OSR2: variants seen among roughly 807,000 people sequenced by gnomAD.
OSR2 encodes the protein protein odd-skipped-related 2.
In OSR2, 8 loss-of-function variants were observed where a neutral mutation model predicts 22.3. The observed-to-expected ratio is 0.36, with a 90% confidence interval of 0.21 to 0.65. The LOEUF (loss-of-function observed/expected upper bound fraction) is 0.65, where lower values mean the gene tolerates loss of function less well. Ranked by LOEUF, OSR2 falls within the 30% of genes least tolerant of loss-of-function variation. The pLI, the probability that OSR2 is intolerant of heterozygous loss-of-function variation, is 0.66. For missense variants in OSR2, 311 were observed against 413.4 expected (o/e 0.75, Z 2.15); for synonymous variants, 179 against 173.8 (o/e 1.03, Z -0.23).
chr8:98,948,095 G>A lies in OSR2; in HGVS notation c.-114-744G>A. Reference sequence around the variant, plus strand: ...GGGTTGGGAGGAGAGCCCGTGGATAGGAGGAGGGGGCGATTCTAGGCCGAA... The same window carrying A: ...GGGTTGGGAGGAGAGCCCGTGGATAAGAGGAGGGGGCGATTCTAGGCCGAA... On this transcript the variant is annotated intron_variant, in intron 1 of 3. Transcript: ENST00000297565. This position sits in a 1 kb window ranked among gnomAD's most constrained non-coding sequence, Gnocchi z 6.0. 1 of 1,346,512 alleles carries A rather than the reference G, an allele frequency of 7.4e-7. No homozygotes were observed. The highest frequency in any genetic ancestry group is 9.5e-7 in the Non-Finnish European group (1 of 1,051,356). The allele number at this position is 1,346,512 out of a possible 1,614,324, so 83.4% of individuals were successfully genotyped here.
In OSR2 at chr8:98,948,009, C is replaced by T. The variant is rs1840660618; in HGVS notation, c.-114-830C>T. On this transcript the variant is annotated intron_variant, in intron 1 of 3. Transcript: ENST00000297565. The surrounding 1 kb of genome is among the most constrained non-coding windows in gnomAD (Gnocchi z 6.0). ...AAAGGGGTTCCTCTGGCCTCAGGGA[C>T]GTTCTCCGCCCCCACCCCACCCCCT... Among the ~76,000 whole-genome samples, 1 of 152,162 alleles carries T rather than the reference C, an allele frequency of 6.6e-6. No homozygotes were observed. The highest frequency in any genetic ancestry group is 1.5e-5 in the Non-Finnish European group (1 of 68,022).
Position 98,949,322 on chromosome 8 carries a change from G to C in OSR2, c.370G>C (p.Ala124Pro). 6.2e-7 allele frequency: 1 copy of C among 1,613,412 alleles called. No homozygotes were observed. Among genetic ancestry groups the C allele is most frequent in the Non-Finnish European group, 8.5e-7 (1 of 1,179,538 alleles). The change falls in exon 2 of 4, where the codon GCT becomes CCT. Residue 124 changes from alanine to proline, a missense_variant. Ala to Pro is a conservative substitution (Grantham distance 27). Around this residue, in one of 5 missense-constraint regions of OSR2, gnomAD observed 3 missense variants for 18.5 expected, o/e 0.16. Coordinates refer to ENST00000297565, the MANE Select transcript of OSR2 (RefSeq NM_001142462.3). The surrounding 1 kb of genome is among the most constrained non-coding windows in gnomAD (Gnocchi z 5.9). ...TTTTGACTTTGCCAATTTGGCGGTG[G>C]CTGCCACGCAAGAGGATCCGCCTAA... ...PRFDFANLAV[A>P]ATQEDPPKMG...
chr8:98,948,760 C>T lies in OSR2; in HGVS notation c.-114-79C>T. The T allele has an allele frequency of 1.4e-6, 2 of 1,432,818 alleles. No homozygotes were observed. The highest frequency in any genetic ancestry group is 1.4e-5 in the South Asian group (1 of 71,042). 88.8% of individuals were successfully genotyped at this position (1,432,818 alleles called of 1,614,324 possible). A position where few individuals can be genotyped will look rare whatever the true frequency, so the allele number is the denominator to read the frequency against. ...GGGAGGGAGACTTAGGTGTGGTAAC[C>T]TGCGCAGGTGCCAAAGGGCAGAAGG... On this transcript the variant is annotated intron_variant, in intron 1 of 3. Coordinates refer to ENST00000297565, the MANE Select transcript of OSR2 (RefSeq NM_001142462.3). This position sits in a 1 kb window ranked among gnomAD's most constrained non-coding sequence, Gnocchi z 6.0.
rs1177256657 is a variant in OSR2 at position 98,948,919 on chromosome 8, G to A, written c.-34G>A. 1.9e-6 allele frequency: 3 copies of A among 1,613,676 alleles called. No homozygotes were observed. The South Asian group carries it at 3.3e-5, about 18-fold the overall frequency. On this transcript the variant is annotated 5_prime_UTR_variant, in exon 2 of 4. Transcript: ENST00000297565. The surrounding 1 kb of genome is among the most constrained non-coding windows in gnomAD (Gnocchi z 6.0). The stretch of plus-strand genomic sequence containing the variant: ...CGGCCTCTGATTCCTGGAAGAAAGG[G>A]TTGGTCCCCTCAGCACCCCCAGCAT...
In OSR2 at chr8:98,948,745, C is replaced by T. The variant is rs1022529920; in HGVS notation, c.-114-94C>T. The T allele has an allele frequency of 4.3e-6, 6 of 1,385,660 alleles. No individual in the cohort carries two copies. The highest frequency in any genetic ancestry group is 2.5e-5 in the East Asian group (1 of 39,810). 85.8% of individuals were successfully genotyped at this position (1,385,660 alleles called of 1,614,324 possible). A position where few individuals can be genotyped will look rare whatever the true frequency, so the allele number is the denominator to read the frequency against. On this transcript the variant is annotated intron_variant, in intron 1 of 3. Coordinates refer to ENST00000297565, the MANE Select transcript of OSR2 (RefSeq NM_001142462.3). This position sits in a 1 kb window ranked among gnomAD's most constrained non-coding sequence, Gnocchi z 6.0. ...TCTTGGAGTCGGGTGGGGAGGGAGA[C>T]TTAGGTGTGGTAACCTGCGCAGGTG...
rs778179403 is a variant in OSR2, at chr8:98,949,158, T to A, written c.206T>A (p.Ile69Asn). 6.2e-7 allele frequency: 1 copy of A among 1,611,782 alleles called. No individual in the cohort carries two copies. Among genetic ancestry groups the A allele is most frequent in the Admixed American group, 1.7e-5 (1 of 59,838 alleles). The change falls in exon 2 of 4, where the codon ATC (isoleucine) becomes AAC (asparagine). Residue 69 changes from isoleucine (I) to asparagine (N), a missense_variant. Coordinates refer to ENST00000297565, the MANE Select transcript of OSR2 (RefSeq NM_001142462.3). The surrounding 1 kb of genome is among the most constrained non-coding windows in gnomAD (Gnocchi z 5.9). The stretch of plus-strand genomic sequence containing the variant: ...GTGCACGAGATCACCCGCTCCACCA[T>A]CACGGAGATGGCGGCGGCGCAGGGC... The part of the protein sequence containing the change: ...PNVHEITRST[I>N]TEMAAAQGLV...
chr8:98,950,776 A>T (rs751229756), intron 3 of OSR2, 21 bp downstream of exon 3: 35 of 1,506,556 alleles, frequency 2.3e-5, no homozygotes, highest in Middle Eastern at 1.7e-4. Flanking sequence ...TTTCTTGTTT[A>T]AAAACAGTGG....
Position 98,949,396 on chromosome 8 carries a change from G to A in OSR2, c.444G>A (p.Ser148=), listed in dbSNP as rs758401316. The change falls in exon 2 of 4, where the codon TCG becomes TCA. Residue 148 remains serine (S), a synonymous_variant. Coordinates refer to ENST00000297565, the MANE Select transcript of OSR2 (RefSeq NM_001142462.3). This position sits in a 1 kb window ranked among gnomAD's most constrained non-coding sequence, Gnocchi z 5.9. ...GCCCAGGACTGGGTAGCCCCATCTC[G>A]GGCCTCAGTAAATTGACTCCGGACA... is the stretch of plus-strand genomic sequence containing the variant. ...KLSPGLGSPI[S]GLSKLTPDRK... 1.2e-6 allele frequency: 2 copies of A among 1,613,624 alleles called. No individual in the cohort carries two copies. The highest frequency in any genetic ancestry group is 1.3e-5 in the African/African-American group (1 of 74,938).
rs762345004 is a variant in OSR2, at chr8:98,948,664, C to T, written c.-114-175C>T. The T allele has an allele frequency of 2.0e-6, 2 of 987,000 alleles. No individual in the cohort carries two copies. The highest frequency in any genetic ancestry group is 1.4e-6 in the Non-Finnish European group (1 of 692,040). The allele number at this position is 987,000 out of a possible 1,614,324, so 61.1% of individuals were successfully genotyped here. A position where few individuals can be genotyped will look rare whatever the true frequency, so the allele number is the denominator to read the frequency against. The stretch of plus-strand genomic sequence containing the variant: ...TGTTCTGGCCCCGGGCTGATCTGCA[C>T]GCGGACTTGAGCAGGTGCCAAGGTG... On this transcript the variant is annotated intron_variant, in intron 1 of 3. Coordinates refer to ENST00000297565, the MANE Select transcript of OSR2 (RefSeq NM_001142462.3). The surrounding 1 kb of genome is among the most constrained non-coding windows in gnomAD (Gnocchi z 6.0).
At position 98,949,435 on chromosome 8, in the gene OSR2, A is replaced by T. The variant is rs370955340; in HGVS notation, c.483A>T (p.Arg161=). The T allele has an allele frequency of 1.8e-4, 288 of 1,613,942 alleles. No individual in the cohort carries two copies. The highest frequency in any genetic ancestry group is 4.7e-4 in the Admixed American group (28 of 60,014). The change falls in exon 2 of 4, where the codon CGA becomes CGT. Residue 161 remains arginine, a synonymous_variant. Transcript: ENST00000297565. The surrounding 1 kb of genome is among the most constrained non-coding windows in gnomAD (Gnocchi z 5.9). ...TGACTCCGGACAGAAAGCCCTCTCG[A>T]GGAAGGTTGCCCTCCAAAACGAAAA... The part of the protein sequence containing the change: ...SKLTPDRKPS[R]GRLPSKTKKE...
rs368868923 is a variant in OSR2 at position 98,949,393 on chromosome 8, C to A, written c.441C>A (p.Ile147=). 7.4e-6 allele frequency: 12 copies of A among 1,613,534 alleles called. No homozygotes were observed. The African/African-American group carries it at 1.6e-4, about 22-fold the overall frequency. ...SKLSPGLGSP[I]SGLSKLTPDR... ...TGAGCCCAGGACTGGGTAGCCCCATCTCGGGCCTCAGTAAATTGACTCCGG... is the reference window on the plus strand; with the variant it reads ...TGAGCCCAGGACTGGGTAGCCCCATATCGGGCCTCAGTAAATTGACTCCGG... The change falls in exon 2 of 4, where the codon ATC becomes ATA. Residue 147 remains isoleucine (I), a synonymous_variant. Coordinates refer to ENST00000297565, the MANE Select transcript of OSR2 (RefSeq NM_001142462.3). This position sits in a 1 kb window ranked among gnomAD's most constrained non-coding sequence, Gnocchi z 5.9.
At position 98,950,691 on chromosome 8, in the gene OSR2, A is replaced by G. The variant is rs772441797; in HGVS notation, c.692A>G (p.Gln231Arg). 1.2e-6 allele frequency: 2 copies of G among 1,613,100 alleles called. No individual in the cohort carries two copies. Among genetic ancestry groups the G allele is most frequent in the African/African-American group, 1.3e-5 (1 of 75,028 alleles). Residue 231 changes from glutamine to arginine, a missense_variant, in exon 3 of 4, where the codon CAG becomes CGG. This residue lies in a region of OSR2 where 39 missense variants were observed against 90.5 expected (regional missense o/e 0.43). Transcript: ENST00000297565. Reference sequence around the variant, plus strand: ...TCCAAAGAAAAACCCTTCAAATGTCAGGAGTGTGGGAAAGGATTTTGTCAG... The same window carrying G: ...TCCAAAGAAAAACCCTTCAAATGTCGGGAGTGTGGGAAAGGATTTTGTCAG... ...IHSKEKPFKC[Q>R]ECGKGFCQSR...
In OSR2 at chr8:98,948,306, C is replaced by A; in HGVS notation, c.-114-533C>A. The A allele has an allele frequency of 6.6e-7, 1 of 1,524,082 alleles. No individual in the cohort carries two copies. Among genetic ancestry groups the A allele is most frequent in the Non-Finnish European group, 8.8e-7 (1 of 1,139,960 alleles). 94.4% of individuals were successfully genotyped at this position (1,524,082 alleles called of 1,614,324 possible). On this transcript the variant is annotated intron_variant, in intron 1 of 3. Transcript: ENST00000297565. The surrounding 1 kb of genome is among the most constrained non-coding windows in gnomAD (Gnocchi z 6.0). ...CGCTCTTGCACGCCGGCTTGCCATCCGGGTAAGCGCGGGAAAGGCGGCCAC... is the reference window on the plus strand; with the variant it reads ...CGCTCTTGCACGCCGGCTTGCCATCAGGGTAAGCGCGGGAAAGGCGGCCAC...
chr8:98,947,916 G>T (rs940879850), intron 1 of OSR2, among the ~76,000 whole-genome samples: 1 of 152,128 alleles, frequency 6.6e-6, no homozygotes, highest in Non-Finnish European at 1.5e-5. Flanking sequence ...AGGGATGTAG[G>T]GGTCGCTCCT....
In OSR2 at chr8:98,948,984, C is replaced by T; in HGVS notation, c.32C>T (p.Pro11Leu). 3 of 1,613,998 alleles carry T rather than the reference C, an allele frequency of 1.9e-6. No homozygotes were observed. Among genetic ancestry groups the T allele is most frequent in the Non-Finnish European group, 2.5e-6 (3 of 1,179,900 alleles). Reference protein sequence around the residue: MGSKALPAPIPLHPSLQLTNY... With the variant: MGSKALPAPILLHPSLQLTNY... Reference sequence around the variant, plus strand: ...AGCAAGGCTCTGCCAGCGCCCATCCCGCTCCACCCGTCGCTGCAGCTCACC... The same window carrying T: ...AGCAAGGCTCTGCCAGCGCCCATCCTGCTCCACCCGTCGCTGCAGCTCACC... Residue 11 changes from proline to leucine, a missense_variant, in exon 2 of 4, where the codon CCG becomes CTG. Pro to Leu is a moderately conservative substitution (Grantham distance 98, BLOSUM62 -3). Around this residue, in one of 5 missense-constraint regions of OSR2, gnomAD observed 146 missense variants for 160.5 expected, o/e 0.91. Transcript: ENST00000297565. The surrounding 1 kb of genome is among the most constrained non-coding windows in gnomAD (Gnocchi z 6.0).
At chr8:98,946,298 G>A (rs1221678709) in intron 1 of OSR2, 5 of 152,226 alleles carry the variant, frequency 3.3e-5, no homozygotes, top group Non-Finnish European at 2.9e-5. Context: ...GGGAGTGTGG[G>A]AACTACAAGG....
At chr8:98,951,257 A>G (rs1322695664) in intron 3 of OSR2, among the ~76,000 whole-genome samples, 3 of 152,166 alleles carry the variant, frequency 2.0e-5, no homozygotes, top group Non-Finnish European at 2.9e-5. Flanking sequence ...TGAAATGTGA[A>G]GAGCTGGAAA....
chr8:98,950,939 T>C, intron 3 of OSR2, 184 bp downstream of exon 3: 1 of 621,518 alleles, frequency 1.6e-6, no homozygotes, highest in Non-Finnish European at 2.8e-6. Context: ...ATAAAGCATT[T>C]TTATATTTTT....
chr8:98,948,180 T>A lies in OSR2; in HGVS notation c.-114-659T>A. On this transcript the variant is annotated intron_variant, in intron 1 of 3. Transcript: ENST00000297565. The surrounding 1 kb of genome is among the most constrained non-coding windows in gnomAD (Gnocchi z 6.0). ...GCCCGTCACCGCTGATAGATGGGGCTGAGGGCAGAGGAAGGAAAAAGAAAA... is the reference window on the plus strand; with the variant it reads ...GCCCGTCACCGCTGATAGATGGGGCAGAGGGCAGAGGAAGGAAAAAGAAAA... 1 of 1,404,716 alleles carries A rather than the reference T, an allele frequency of 7.1e-7. No homozygotes were observed. The highest frequency in any genetic ancestry group is 9.2e-7 in the Non-Finnish European group (1 of 1,083,096). The allele number at this position is 1,404,716 out of a possible 1,614,324, so 87.0% of individuals were successfully genotyped here. A position where few individuals can be genotyped will look rare whatever the true frequency, so the allele number is the denominator to read the frequency against.
Sources: gnomAD v4.1 joint callset for allele counts (sites outside exome capture counted in the v4.1 genomes callset) on GRCh38, gnomAD v4.1.1 for gene constraint, gnomAD v4.1.1 regional missense constraint, Gnocchi (gnomAD v3.1) non-coding constraint, MANE v1.5 for transcripts, NCBI Gene and HGNC (gene_info 2026-07-23, HGNC 2026-07-21) for gene names.